Variants in GDPD4 observed in about 807,000 individuals in gnomAD.
GDPD4 encodes the protein glycerophosphodiester phosphodiesterase 6.
GDPD4 carries 60 observed loss-of-function variants against 67.8 expected under a neutral mutation model. The observed-to-expected ratio is 0.88, with a 90% CI of 0.72 to 1.10. The LOEUF is 1.10. Ranked by LOEUF, GDPD4 falls within the 50% of genes least tolerant of loss-of-function variation. GDPD4 has a pLI of 0.00. For missense variants in GDPD4, 623 were observed against 613.9 expected (o/e 1.01, Z -0.16); for synonymous variants, 212 against 210.9 (o/e 1.00, Z -0.04).
chr11:77,245,559 T>C (rs1958765240), intron 11 of GDPD4, 57 bp from the exon 12 acceptor site: 2 of 1,167,978 alleles, frequency 1.7e-6, no homozygotes, highest in Non-Finnish European at 2.5e-6. Flanking sequence ...TCCTACTATG[T>C]AGCCACACAT....
chr11:77,258,597 T>C (rs113643535), intron 10 of GDPD4, 55 bp from the exon 11 acceptor site: 92 of 1,547,536 alleles, frequency 5.9e-5, no homozygotes, highest in Non-Finnish European at 8.0e-5. Flanking sequence ...TTTAGCTACC[T>C]TGGTAGACAG....
intron 11 of GDPD4, 109 bp from the exon 12 acceptor site, chr11:77,245,611 G>C (rs1208059317): frequency 2.9e-6 from 2 of 678,456 alleles, no homozygotes; most frequent in East Asian, 5.4e-5. Flanking sequence ...CAATCCATCA[G>C]GCCCTCTGAA....
intron 14 of GDPD4, among the ~76,000 whole-genome samples, chr11:77,230,491 A>AT (rs1225128107): frequency 6.6e-6 from 1 of 152,330 alleles, no homozygotes; most frequent in African/African-American, 2.4e-5. Context: ...GGTTTGAGGG[A>AT]TTATAAAGAT....
At chr11:77,270,857 T>C (rs1161362911) in intron 7 of GDPD4, 3 of 369,602 alleles carry the variant, frequency 8.1e-6, no homozygotes, top group African/African-American at 6.5e-5. Context: ...AGACAGTCAA[T>C]GTATAATAAT....
intron 10 of GDPD4, among the ~76,000 whole-genome samples, chr11:77,265,344 T>G (rs1443003050): frequency 6.6e-6 from 1 of 152,162 alleles, no homozygotes; most frequent in East Asian, 1.9e-4. Flanking sequence ...AGTGAAGACA[T>G]GGAGCATAAA....
chr11:77,245,292 C>A lies in GDPD4; in HGVS notation c.1075G>T (p.Glu359Ter). ...VVSVILASKI[E>*]QHLIFWLPAH... Reference sequence around the variant, plus strand: ...TGAGATAGACTTACCAGATGTTGCTCGATTTTAGAGGCAAGGATCACGCTT... The same window carrying A: ...TGAGATAGACTTACCAGATGTTGCTAGATTTTAGAGGCAAGGATCACGCTT... The change falls in exon 12 of 17, where the codon GAG (glutamate) becomes TAG (stop). Residue 359 changes from glutamate to a stop codon, truncating the protein, a stop_gained. Coordinates refer to ENST00000315938, the MANE Select transcript of GDPD4 (RefSeq NM_182833.3). LOFTEE classifies it high-confidence loss of function. The A allele has an allele frequency of 1.2e-6, 2 of 1,613,806 alleles. No individual in the cohort carries two copies.
intron 3 of GDPD4, among the ~76,000 whole-genome samples, chr11:77,282,562 G>A (rs1959806174): frequency 1.3e-5 from 2 of 151,986 alleles, no homozygotes; most frequent in Non-Finnish European, 2.9e-5. Context: ...GCTGAAGTGG[G>A]AGGATCGGTC....
At chr11:77,272,641 T>C (rs1231955262) in intron 5 of GDPD4, among the ~76,000 whole-genome samples, 1 of 151,900 alleles carries the variant, frequency 6.6e-6, no homozygotes. Context: ...CCAGGTGTGG[T>C]TGCACACAAC....
chr11:77,254,391 C>T (rs1958962674), intron 11 of GDPD4, among the ~76,000 whole-genome samples: 1 of 152,168 alleles, frequency 6.6e-6, no homozygotes, highest in African/African-American at 2.4e-5. Flanking sequence ...AGTTTCTGTG[C>T]TCACCAGGGT....
intron 16 of GDPD4, among the ~76,000 whole-genome samples, chr11:77,227,529 TTTCG>T (rs1307507799): frequency 1.3e-5 from 2 of 152,244 alleles, no homozygotes; most frequent in African/African-American, 4.8e-5. Context: ...CAGAGACATC[TTTCG>T]GTTATCTTCA....
chr11:77,243,810 C>G lies in GDPD4; in HGVS notation c.1125G>C (p.Arg375Ser). ...CATGCTGAAAACCAGGAGCCACGGA[C>G]CTGACGTATTGCCTATCATGAGCTG... ...WLPAHDRQYV[R>S]SVAPGFQHVG... Residue 375 changes from arginine (R) to serine (S), a missense_variant, in exon 13 of 17, where the codon AGG (arginine) becomes AGC (serine). By Grantham distance (110) the Arg-to-Ser change is moderately radical. Coordinates refer to ENST00000315938, the MANE Select transcript of GDPD4 (RefSeq NM_182833.3). 1 of 1,613,824 alleles carries G rather than the reference C, an allele frequency of 6.2e-7. No individual in the cohort carries two copies. The highest frequency in any genetic ancestry group is 8.5e-7 in the Non-Finnish European group (1 of 1,179,834).
intron 1 of GDPD4, among the ~76,000 whole-genome samples, chr11:77,296,248 C>T (rs1591586491): frequency 2.1e-5 from 1 of 47,528 alleles, no homozygotes; most frequent in South Asian, 5.2e-4. Context: ...AAGACTTCGT[C>T]TCAAAAAAAA....
intron 9 of GDPD4, 47 bp from the exon 10 acceptor site, chr11:77,268,586 C>G (rs779103545): frequency 1.4e-6 from 2 of 1,395,788 alleles, no homozygotes; most frequent in Non-Finnish European, 2.0e-6. Flanking sequence ...AGTCTCTCCT[C>G]CCAGCATTCC....
Position 77,271,152 on chromosome 11 carries a change from G to A in GDPD4, c.378C>T (p.Tyr126=), listed in dbSNP as rs775010986. ...TACCTTCTCTTTCCAAACATGCCAC[G>A]TAGAAGGCCACAGGCCAGAAAAGGA... The part of the protein sequence containing the change: ...MVILFWPVAF[Y]VACLEREVRM... Residue 126 remains tyrosine (Y), a synonymous_variant, in exon 7 of 17, where the codon TAC becomes TAT. Coordinates refer to ENST00000315938, the MANE Select transcript of GDPD4 (RefSeq NM_182833.3). 1.6e-5 allele frequency: 25 copies of A among 1,611,302 alleles called. No homozygotes were observed. The highest frequency in any genetic ancestry group is 5.0e-5 in the Admixed American group (3 of 59,582).
At chr11:77,270,428 C>T (rs1160593012) in intron 7 of GDPD4, among the ~76,000 whole-genome samples, 2 of 152,156 alleles carry the variant, frequency 1.3e-5, no homozygotes, top group Admixed American at 1.3e-4. Context: ...GTTGAAACTA[C>T]TAATATTTGC....
chr11:77,238,876 A>T (rs370089507), intron 13 of GDPD4, among the ~76,000 whole-genome samples: 1 of 152,304 alleles, frequency 6.6e-6, no homozygotes, highest in East Asian at 1.9e-4. Context: ...CCAAAGCAAG[A>T]TACGGACACT....
chr11:77,240,706 A>C (rs555893773), intron 13 of GDPD4, among the ~76,000 whole-genome samples: 1 of 152,298 alleles, frequency 6.6e-6, no homozygotes, highest in East Asian at 1.9e-4. Context: ...AACCTATGAA[A>C]TGGGAGAAAA....
intron 1 of GDPD4, among the ~76,000 whole-genome samples, chr11:77,293,154 A>T (rs765601277): frequency 1.3e-5 from 2 of 152,240 alleles, no homozygotes; most frequent in African/African-American, 2.4e-5. Context: ...GTATCCTGAC[A>T]CCAAAACCAG....
chr11:77,246,412 G>A (rs1444695141), intron 11 of GDPD4, among the ~76,000 whole-genome samples: 1 of 152,172 alleles, frequency 6.6e-6, no homozygotes, highest in African/African-American at 2.4e-5. Context: ...TGTAAAAATA[G>A]CTAAGCATGA....
Sources: allele counts gnomAD v4.1 joint callset (sites outside exome capture counted in the v4.1 genomes callset), GRCh38; gene constraint gnomAD v4.1.1; transcripts MANE v1.5; gene names NCBI Gene and HGNC (gene_info 2026-07-23, HGNC 2026-07-21).